FRK: variants seen among roughly 807,000 people sequenced by gnomAD.
FRK encodes fyn related Src family tyrosine kinase.
Under a neutral mutation model 56.4 loss-of-function variants are expected in FRK, and 51 were observed. That is an observed-to-expected ratio of 0.90 (90% CI 0.72 to 1.14). The LOEUF (loss-of-function observed/expected upper bound fraction) is 1.14, where lower values mean the gene tolerates loss of function less well. Among genes scored for constraint, FRK ranks in the 50% most tolerant of loss-of-function variants. FRK has a pLI of 0.00. For synonymous variants in FRK, 245 were observed against 217.9 expected, an observed-to-expected ratio of 1.12 and a Z score of -1.10; for missense variants, 570 against 601.4, an observed-to-expected ratio of 0.95 and a Z score of 0.55.
At chr6:116,084,359 GATCTGGACC>G in the FRK span, among the ~76,000 whole-genome samples, 1 of 152,116 alleles carries the variant, frequency 6.6e-6, no homozygotes, top group Admixed American at 6.5e-5. Context: ...TAGTCATATT[GATCTGGACC>G]AGGCTTGGAT....
intron 1 of FRK, among the ~76,000 whole-genome samples, chr6:116,014,874 G>A (rs1775593525): frequency 6.6e-6 from 1 of 152,158 alleles, no homozygotes; most frequent in Non-Finnish European, 1.5e-5. Context: ...CTTTAGAGGT[G>A]AAAAGAAATT....
rs934973638 is a variant in FRK, at chr6:115,973,361, G to A, written c.467-4622C>T. 2.0e-5 allele frequency among the ~76,000 whole-genome samples: 3 copies of A among 152,220 alleles called. No individual in the cohort carries two copies. In the East Asian group the frequency reaches 5.8e-4, roughly 29 times the overall value. ...CTCATAAATGGGAGTTGAACAATGA[G>A]AACACATGGACACAGGGAGGGGAGC... On this transcript the variant is annotated intron_variant, in intron 2 of 7. Coordinates refer to ENST00000606080, the MANE Select transcript of FRK (RefSeq NM_002031.3).
At chr6:115,994,504 T>G (rs117936415) in intron 2 of FRK, among the ~76,000 whole-genome samples, 268 of 152,206 alleles carry the variant, frequency 1.8e-3, no homozygotes, top group Non-Finnish European at 3.2e-3. Flanking sequence ...ATTAGCAATG[T>G]CTAACAAATA....
chr6:115,988,797 C>T (rs926067420), intron 2 of FRK, among the ~76,000 whole-genome samples: 1 of 151,902 alleles, frequency 6.6e-6, no homozygotes, highest in Non-Finnish European at 1.5e-5. Context: ...AAGTAAATTT[C>T]TTACATATCT....
the FRK span, among the ~76,000 whole-genome samples, chr6:116,077,546 A>G: frequency 6.6e-6 from 1 of 152,176 alleles, no homozygotes; most frequent in Non-Finnish European, 1.5e-5. Flanking sequence ...TTTCTCTAAA[A>G]TATGGCTTCT....
At chr6:116,027,586 T>C (rs1008507867) in intron 1 of FRK, among the ~76,000 whole-genome samples, 1 of 152,062 alleles carries the variant, frequency 6.6e-6, no homozygotes, top group Admixed American at 6.6e-5. Context: ...AAAAGGTCAT[T>C]ATAACTGATA....
chr6:115,962,308 C>T (rs1773405709), intron 4 of FRK, among the ~76,000 whole-genome samples: 2 of 151,038 alleles, frequency 1.3e-5, no homozygotes, highest in Admixed American at 1.3e-4. Context: ...AAGGCCATTA[C>T]ATAATGGTAA....
At chr6:116,039,306 C>T (rs1776622327) in intron 1 of FRK, 25 of 1,437,930 alleles carry the variant, frequency 1.7e-5, no homozygotes, top group South Asian at 1.7e-4. Flanking sequence ...AGGAAGTACA[C>T]GAGAAGTTCT....
At chr6:116,086,313 C>G in the FRK span, among the ~76,000 whole-genome samples, 2 of 152,102 alleles carry the variant, frequency 1.3e-5, no homozygotes, top group African/African-American at 4.8e-5. Flanking sequence ...AGATAAAAAT[C>G]TATTAATAGG....
chr6:116,002,404 G>A (rs1248406744), intron 2 of FRK, among the ~76,000 whole-genome samples: 1 of 152,150 alleles, frequency 6.6e-6, no homozygotes, highest in African/African-American at 2.4e-5. Context: ...GGATCACGAG[G>A]CCAGGAGATC....
chr6:116,021,126 A>G (rs1348286442), intron 1 of FRK, among the ~76,000 whole-genome samples: 2 of 151,958 alleles, frequency 1.3e-5, no homozygotes, highest in Non-Finnish European at 2.9e-5. Flanking sequence ...GCTGAGAAAC[A>G]TTTTAAAAAT....
At chr6:116,006,549 A>T (rs1008293620) in intron 1 of FRK, among the ~76,000 whole-genome samples, 2 of 152,358 alleles carry the variant, frequency 1.3e-5, no homozygotes, top group Non-Finnish European at 1.5e-5. Context: ...AAGATACACT[A>T]CAAGAACATC....
intron 1 of FRK, among the ~76,000 whole-genome samples, chr6:116,027,859 T>C (rs530326623): frequency 6.6e-6 from 1 of 150,686 alleles, no homozygotes; most frequent in Non-Finnish European, 1.5e-5. Context: ...GGCTGATATA[T>C]AGGAGTGGAC....
At position 115,938,280 on chromosome 6, in the gene FRK, G is replaced by A. The variant is rs1772086878; in HGVS notation, c.*4134C>T. ...TAAAGTTGTTCATTGAAACCAATGA[G>A]AACAAAAACACAACATACCAGAATC... On this transcript the variant is annotated 3_prime_UTR_variant, in exon 8 of 8. Transcript: ENST00000606080. 6.6e-6 allele frequency: 1 copy of A among 152,146 alleles called. No individual in the cohort carries two copies. The highest frequency in any genetic ancestry group is 1.5e-5 in the Non-Finnish European group (1 of 68,036). The allele number at this position is 152,146 out of a possible 1,614,324, so 9.4% of individuals were successfully genotyped here.
intron 4 of FRK, among the ~76,000 whole-genome samples, chr6:115,967,242 CTT>C (rs1217058458): frequency 6.6e-6 from 1 of 152,120 alleles, no homozygotes; most frequent in Non-Finnish European, 1.5e-5. Flanking sequence ...AAGTCAATAT[CTT>C]TTAACTAAGG....
intron 1 of FRK, among the ~76,000 whole-genome samples, chr6:116,021,999 C>A (rs940737530): frequency 2.0e-5 from 3 of 151,732 alleles, no homozygotes; most frequent in African/African-American, 7.3e-5. Context: ...GAGACCATCA[C>A]AGATTCTCAC....
intron 2 of FRK, among the ~76,000 whole-genome samples, chr6:115,990,080 T>G (rs1489639922): frequency 6.6e-6 from 1 of 151,986 alleles, no homozygotes; most frequent in Non-Finnish European, 1.5e-5. Context: ...TTCTGTGTCT[T>G]TTGAGGAATG....
intron 2 of FRK, among the ~76,000 whole-genome samples, chr6:115,990,928 G>T (rs1774578494): frequency 6.6e-6 from 1 of 151,760 alleles, no homozygotes; most frequent in African/African-American, 2.4e-5. Flanking sequence ...CCATTTGTTT[G>T]TGTCATCTAC....
chr6:116,018,770 C>A (rs1775751610), intron 1 of FRK, among the ~76,000 whole-genome samples: 1 of 152,054 alleles, frequency 6.6e-6, no homozygotes, highest in African/African-American at 2.4e-5. Context: ...ACATTTCCAC[C>A]ATGCTCTTTG....
Sources: allele counts gnomAD v4.1 joint callset (sites outside exome capture counted in the v4.1 genomes callset), GRCh38; gene constraint gnomAD v4.1.1; transcripts MANE v1.5; gene names NCBI Gene and HGNC (gene_info 2026-07-23, HGNC 2026-07-21).